Variants in NKIRAS1 observed in about 807,000 individuals in gnomAD.
NKIRAS1 encodes NF-kappa-B inhibitor-interacting Ras-like protein 1.
NKIRAS1 carries 16 observed loss-of-function variants against 19.8 expected under a neutral mutation model. The ratio of observed to expected loss-of-function variants is 0.81; its 90% CI spans 0.55 to 1.23. The LOEUF (loss-of-function observed/expected upper bound fraction) is 1.23. Among genes scored for constraint, NKIRAS1 ranks in the 50% most tolerant of loss-of-function variants. The pLI is 0.00. For missense variants in NKIRAS1, 184 were observed against 220.0 expected (o/e 0.84, Z 1.04); for synonymous variants, 88 against 79.0 (o/e 1.11, Z -0.61).
upstream of NKIRAS1, chr3:23,920,872 T>C (rs535206965): frequency 1.2e-4 from 87 of 730,290 alleles, no homozygotes; most frequent in African/African-American, 1.5e-3. Context: ...TTTTTTGTCA[T>C]CTTACAGTGC....
chr3:23,946,206 G>C (rs1320484500), intron 1 of NKIRAS1: 1 of 985,308 alleles, frequency 1.0e-6, no homozygotes, highest in Non-Finnish European at 1.2e-6. Flanking sequence ...TCCCCGAAGC[G>C]GGCGCTGACA....
chr3:23,929,941 G>T (rs914853347), intron 1 of NKIRAS1, among the ~76,000 whole-genome samples: 43 of 151,612 alleles, frequency 2.8e-4, no homozygotes, highest in African/African-American at 1.0e-3. Flanking sequence ...TTTTTTAATT[G>T]GAAAAAATGA....
rs191215308 is a variant in NKIRAS1 at position 23,901,411 on chromosome 3, C to T, written c.95-362G>A. Among the ~76,000 whole-genome samples the T allele has an allele frequency of 6.0e-3, 915 of 152,194 alleles. 9 individuals are homozygous for T. The highest frequency in any genetic ancestry group is 0.021 in the African/African-American group (858 of 41,528). ...CGTGGCCCAGGCTGGTCTCGAACTC[C>T]TGGGCTCAAGCAATCTACCCACTTT... On this transcript the variant is annotated intron_variant, in intron 3 of 4. Transcript: ENST00000425478.
At chr3:23,912,769 T>C (rs888713261) in intron 1 of NKIRAS1, among the ~76,000 whole-genome samples, 1 of 152,112 alleles carries the variant, frequency 6.6e-6, no homozygotes, top group Non-Finnish European at 1.5e-5. Context: ...CTATTCACAA[T>C]AGCAAAGACT....
rs1452041424 is a variant in NKIRAS1, at chr3:23,893,242, T to G, written c.432A>C (p.Val144=). The change falls in exon 5 of 5, where the codon GTA becomes GTC. Residue 144 remains valine, a synonymous_variant. Coordinates refer to ENST00000425478, the MANE Select transcript of NKIRAS1 (RefSeq NM_020345.4). ...VAQQWAKSEK[V]RLWEVTVTDR... is the part of the protein sequence containing the mutation. ...CTGTAACAGTCACCTCCCACAGTCT[T>G]ACTTTCTCACTTTTTGCCCACTGCT... 2.5e-6 allele frequency: 4 copies of G among 1,614,212 alleles called. No individual in the cohort carries two copies. The highest frequency in any genetic ancestry group is 3.4e-6 in the Non-Finnish European group (4 of 1,180,028).
chr3:23,909,405 T>C (rs1437266789), intron 3 of NKIRAS1, among the ~76,000 whole-genome samples: 2 of 152,110 alleles, frequency 1.3e-5, no homozygotes, highest in Admixed American at 6.5e-5. Context: ...CACGCACCCA[T>C]AGTCCCAGTT....
intron 1 of NKIRAS1, among the ~76,000 whole-genome samples, chr3:23,913,761 A>T (rs576879286): frequency 6.6e-6 from 1 of 152,336 alleles, no homozygotes; most frequent in East Asian, 1.9e-4. Context: ...GGTCATCTGC[A>T]GTACCCTGAA....
upstream of NKIRAS1, chr3:23,917,199 C>T (rs145463802): frequency 4.9e-4 from 75 of 152,910 alleles, no homozygotes; most frequent in Non-Finnish European, 8.8e-4. Flanking sequence ...GATCTTTGCT[C>T]TTCCATCCGC....
At chr3:23,907,661 T>C (rs1026250181) in intron 3 of NKIRAS1, among the ~76,000 whole-genome samples, 3 of 152,228 alleles carry the variant, frequency 2.0e-5, no homozygotes, top group African/African-American at 7.2e-5. Context: ...TAGTTGCCAT[T>C]AGATCCTCTC....
chr3:23,934,065 T>G lies in NKIRAS1; in HGVS notation c.-140+12258A>C, dbSNP rs115798431. ...AGTGATTAAGTTTCAATATATTAATTTGGAGGAACACATTCAGACCATAGC... is the reference window on the plus strand; with the variant it reads ...AGTGATTAAGTTTCAATATATTAATGTGGAGGAACACATTCAGACCATAGC... On this transcript the variant is annotated intron_variant, in intron 1 of 4. Transcript: ENST00000421515. Among the ~76,000 whole-genome samples, 624 of 152,358 alleles carry G rather than the reference T, an allele frequency of 4.1e-3. 5 individuals carry two copies. The highest frequency in any genetic ancestry group is 0.014 in the African/African-American group (586 of 41,582).
chr3:23,905,669 C>A (rs1702952890), intron 3 of NKIRAS1, among the ~76,000 whole-genome samples: 1 of 151,928 alleles, frequency 6.6e-6, no homozygotes, highest in Non-Finnish European at 1.5e-5. Context: ...GTAAATATCT[C>A]AATTCGGAAG....
intron 3 of NKIRAS1, among the ~76,000 whole-genome samples, chr3:23,905,298 G>A (rs891899369): frequency 2.6e-5 from 4 of 152,236 alleles, no homozygotes; most frequent in African/African-American, 7.2e-5. Context: ...GGAATGAGTT[G>A]CAACTGGACA....
chr3:23,946,322 C>T lies in NKIRAS1; in HGVS notation c.-140+1G>A. 4.1e-6 allele frequency: 4 copies of T among 981,578 alleles called. No individual in the cohort carries two copies. The highest frequency in any genetic ancestry group is 4.8e-6 in the Non-Finnish European group (4 of 826,386). The allele number at this position is 981,578 out of a possible 1,614,324, so 60.8% of individuals were successfully genotyped here. On this transcript the variant is annotated splice_donor_variant, in intron 1 of 4. Transcript: ENST00000421515. LOFTEE classifies it low-confidence loss of function (5UTR_SPLICE). The stretch of plus-strand genomic sequence containing the variant: ...GCCTGGGGAGGCTGGTAGCTGCATA[C>T]CTTGCAGATTCCGAGGAGGAAGTGC...
chr3:23,910,883 C>A lies in NKIRAS1; in HGVS notation c.22G>T (p.Val8Leu). Reference protein sequence around the residue: MGKGCKVVVCGLLSVGKT... With the variant: MGKGCKVLVCGLLSVGKT... ...CCCACAGATAACAATCCACAAACCA[C>A]AACCTTGCAGCCCTTTCCCATCTTC... The change falls in exon 3 of 5, where the codon GTG (valine) becomes TTG (leucine). Residue 8 changes from valine (V) to leucine (L), a missense_variant. Coordinates refer to ENST00000425478, the MANE Select transcript of NKIRAS1 (RefSeq NM_020345.4). 1 of 1,614,158 alleles carries A rather than the reference C, an allele frequency of 6.2e-7. No homozygotes were observed.
intron 4 of NKIRAS1, among the ~76,000 whole-genome samples, chr3:23,898,270 A>G (rs1485752257): frequency 6.6e-6 from 1 of 152,176 alleles, no homozygotes; most frequent in East Asian, 1.9e-4. Context: ...TAAAATATCA[A>G]TAACCCAGAT....
intron 1 of NKIRAS1, chr3:23,945,249 T>A (rs1472061087): frequency 6.8e-6 from 1 of 147,434 alleles, no homozygotes; most frequent in Non-Finnish European, 1.5e-5. Context: ...AGGGAGGGGG[T>A]GTGTGCGCGG....
chr3:23,916,664 C>A (rs1213538753), intron 1 of NKIRAS1, 120 bp downstream of exon 1: 1 of 152,618 alleles, frequency 6.6e-6, no homozygotes, highest in Non-Finnish European at 1.5e-5. Flanking sequence ...TCTCTCAGCG[C>A]AGCTCTGGGG....
chr3:23,930,868 G>GTTTTTT (rs35470415), intron 1 of NKIRAS1, among the ~76,000 whole-genome samples: 3 of 123,894 alleles, frequency 2.4e-5, no homozygotes, highest in African/African-American at 3.0e-5. Context: ...ATGTCCGGCT[G>GTTTTTT]TTTTTTTTTT....
chr3:23,899,523 C>T (rs1282900535), intron 4 of NKIRAS1, among the ~76,000 whole-genome samples: 1 of 151,892 alleles, frequency 6.6e-6, no homozygotes, highest in African/African-American at 2.4e-5. Context: ...TATCTGGTTT[C>T]CTAGACAATG....
Sources: allele counts gnomAD v4.1 joint callset (sites outside exome capture counted in the v4.1 genomes callset), GRCh38; gene constraint gnomAD v4.1.1; transcripts MANE v1.5; gene names NCBI Gene and HGNC (gene_info 2026-07-23, HGNC 2026-07-21).